The following PLEKHM1 variants were observed in gnomAD, a reference collection of about 807,000 sequenced individuals.
The protein encoded by PLEKHM1 is pleckstrin homology and RUN domain containing M1.
In PLEKHM1, 28 loss-of-function variants were observed where a neutral mutation model predicts 94.3. That is an observed-to-expected ratio of 0.30 (90% confidence interval 0.22 to 0.41). The LOEUF is 0.41. Among genes scored for constraint, PLEKHM1 ranks in the 10% least tolerant of loss-of-function variants. The pLI is 1.00. For missense variants in PLEKHM1, 907 were observed against 1,358.6 expected, an observed-to-expected ratio of 0.67 and a Z score of 5.22; for synonymous variants, 424 against 581.2, an observed-to-expected ratio of 0.73 and a Z score of 3.89.
chr17:45,485,598 T>C (rs1239182790), intron 1 of PLEKHM1, among the ~76,000 whole-genome samples: 2 of 152,156 alleles, frequency 1.3e-5, no homozygotes, highest in South Asian at 4.1e-4. Context: ...AGTAACAGTA[T>C]GCTAAGAAGA....
rs1347764003 is a variant in PLEKHM1 at position 45,444,354 on chromosome 17, A to G, written c.2837+1116T>C. On this transcript the variant is annotated intron_variant, in intron 9 of 11. Coordinates refer to ENST00000430334, the MANE Select transcript of PLEKHM1 (RefSeq NM_014798.3). This position sits in a 1 kb window ranked among gnomAD's most constrained non-coding sequence, Gnocchi z 5.0. ...CTGGGAAGACTGCAGCCTGGGCGTGACCTGAGGACTAGGAAGCGTTTATGA... is the reference window on the plus strand; with the variant it reads ...CTGGGAAGACTGCAGCCTGGGCGTGGCCTGAGGACTAGGAAGCGTTTATGA... Among the ~76,000 whole-genome samples, 1 of 152,156 alleles carries G rather than the reference A, an allele frequency of 6.6e-6. No individual in the cohort carries two copies. The highest frequency in any genetic ancestry group is 1.5e-5 in the Non-Finnish European group (1 of 68,018).
rs2051675042 is a variant in PLEKHM1 at position 45,475,175 on chromosome 17, T to C, written c.848A>G (p.His283Arg). ...GTCACAGGACATGGGCTCCTCGCAATGGTCTGGACTCTTGGAGCCATTCTC... is the reference window on the plus strand; with the variant it reads ...GTCACAGGACATGGGCTCCTCGCAACGGTCTGGACTCTTGGAGCCATTCTC... ...LQENGSKSPD[H>R]CEEPMSCDSD... The change falls in exon 4 of 12, where the codon CAT (histidine) becomes CGT (arginine). Residue 283 changes from histidine to arginine, a missense_variant. By Grantham distance (29) the His-to-Arg change is conservative. This residue lies in a region of PLEKHM1 where 477 missense variants were observed against 601.5 expected (regional missense o/e 0.79). Coordinates refer to ENST00000430334, the MANE Select transcript of PLEKHM1 (RefSeq NM_014798.3). The C allele has an allele frequency of 6.2e-7, 1 of 1,613,868 alleles. No homozygotes were observed. Among genetic ancestry groups the C allele is most frequent in the African/African-American group, 1.3e-5 (1 of 74,930 alleles).
chr17:45,470,744 C>T (rs1420524879), intron 4 of PLEKHM1, among the ~76,000 whole-genome samples: 1 of 151,128 alleles, frequency 6.6e-6, no homozygotes, highest in Non-Finnish European at 1.5e-5. Context: ...CTGCAAGCTC[C>T]GCCTCCCGGG....
intron 2 of PLEKHM1, among the ~76,000 whole-genome samples, chr17:45,482,004 T>C (rs537072248): frequency 3.3e-4 from 50 of 152,154 alleles, no homozygotes; most frequent in African/African-American, 1.2e-3. Flanking sequence ...GGGGCTCCAG[T>C]GAACTGCTCA....
intron 8 of PLEKHM1, among the ~76,000 whole-genome samples, chr17:45,447,436 G>A (rs920030681): frequency 1.3e-5 from 2 of 152,276 alleles, no homozygotes; most frequent in Non-Finnish European, 2.9e-5. Flanking sequence ...CCTTGGGTGA[G>A]GCTCCAGTGA....
intron 8 of PLEKHM1, among the ~76,000 whole-genome samples, chr17:45,446,949 G>A (rs2050624608): frequency 6.6e-6 from 1 of 152,166 alleles, no homozygotes; most frequent in Non-Finnish European, 1.5e-5. Context: ...GGGCCTTTTC[G>A]TTCGCTGCTG....
At chr17:45,489,454 C>A (rs1444767575) in intron 1 of PLEKHM1, among the ~76,000 whole-genome samples, 1 of 152,232 alleles carries the variant, frequency 6.6e-6, no homozygotes, top group Non-Finnish European at 1.5e-5. Flanking sequence ...GTGACAGCTT[C>A]CATCATTCTG....
rs1460279566 is a variant in PLEKHM1 at position 45,453,494 on chromosome 17, C to T, written c.2358G>A (p.Ala786=). 29 of 1,608,824 alleles carry T rather than the reference C, an allele frequency of 1.8e-5. No homozygotes were observed. The highest frequency in any genetic ancestry group is 1.3e-4 in the Admixed American group (8 of 59,400). Residue 786 remains alanine (A), a synonymous_variant, in exon 7 of 12, where the codon GCG becomes GCA. Transcript: ENST00000430334. The surrounding 1 kb of genome is among the most constrained non-coding windows in gnomAD (Gnocchi z 4.1). Reference sequence around the variant, plus strand: ...CATCCAGGCTCCCGCCCAGGGTCACCGCCTCCTCGGCTGTCTCCAAGTAGG... The same window carrying T: ...CATCCAGGCTCCCGCCCAGGGTCACTGCCTCCTCGGCTGTCTCCAAGTAGG... ...LASYLETAEE[A]VTLGGSLDEN... is the part of the protein sequence containing the mutation.
intron 4 of PLEKHM1, among the ~76,000 whole-genome samples, chr17:45,474,267 C>T (rs1162876833): frequency 6.6e-6 from 1 of 152,038 alleles, no homozygotes; most frequent in Non-Finnish European, 1.5e-5. Context: ...CCATGTTAGT[C>T]AGGATGGTCT....
At chr17:45,440,339 G>T in intron 9 of PLEKHM1, 113 bp from the exon 10 acceptor site, 1 of 1,042,800 alleles carries the variant, frequency 9.6e-7, no homozygotes, top group South Asian at 1.3e-5. Context: ...CCCCCGCCTG[G>T]GCGGGGCAGG....
At chr17:45,438,940 A>T (rs933178942) in intron 11 of PLEKHM1, among the ~76,000 whole-genome samples, 1 of 152,228 alleles carries the variant, frequency 6.6e-6, no homozygotes, top group Non-Finnish European at 1.5e-5. Context: ...AAAAGAACTA[A>T]TGTTCCCAGT....
Position 45,475,351 on chromosome 17 carries a change from G to A in PLEKHM1, c.672C>T (p.Ser224=), listed in dbSNP as rs12452076. 2.0e-4 allele frequency: 323 copies of A among 1,613,640 alleles called. No individual in the cohort carries two copies. The highest frequency in any genetic ancestry group is 2.7e-4 in the Non-Finnish European group (316 of 1,179,730). ...CGATGTCTTCAGAGCCTGAAGAATG[G>A]GAAATGGAATCCAGAGATTCCTTCC... The part of the protein sequence containing the change: ...LQRKESLDSI[S]HSSGSEDIEV... The change falls in exon 4 of 12, where the codon TCC becomes TCT. Residue 224 remains serine (S), a synonymous_variant. Coordinates refer to ENST00000430334, the MANE Select transcript of PLEKHM1 (RefSeq NM_014798.3).
Position 45,468,583 on chromosome 17 carries a change from C to T in PLEKHM1, c.934G>A (p.Glu312Lys). 6.2e-7 allele frequency: 1 copy of T among 1,614,178 alleles called. No individual in the cohort carries two copies. The highest frequency in any genetic ancestry group is 1.7e-5 in the Admixed American group (1 of 60,022). ...GAGTTTACCTGGGCTTTGCTGAATT[C>T]CAACAATACCCTAGAAGTTTTAAAC... ...SDRSLQEVLL[E>K]FSKAQVNSVP... Residue 312 changes from glutamate (E) to lysine (K), a missense_variant, in exon 5 of 12, where the codon GAA (glutamate) becomes AAA (lysine). Around this residue, in one of 3 missense-constraint regions of PLEKHM1, gnomAD observed 477 missense variants for 601.5 expected, o/e 0.79. Transcript: ENST00000430334.
chr17:45,463,314 C>T (rs544167583), intron 5 of PLEKHM1, among the ~76,000 whole-genome samples: 72 of 152,250 alleles, frequency 4.7e-4, no homozygotes, highest in African/African-American at 1.7e-3. Context: ...AGGCTGTGTG[C>T]CCCTGGCCCC....
rs772665321 is a variant in PLEKHM1 at position 45,440,230 on chromosome 17, C to T, written c.2838-4G>A. On this transcript the variant is annotated splice_region_variant and splice_polypyrimidine_tract_variant and intron_variant, in intron 9 of 11. Coordinates refer to ENST00000430334, the MANE Select transcript of PLEKHM1 (RefSeq NM_014798.3). ...GAGATAATTCCTGTGGTTGAGCCTT[C>T]AAACAAAACACAAGCGATTCTTTAG... 1.5e-5 allele frequency: 25 copies of T among 1,613,710 alleles called. No individual in the cohort carries two copies. Among genetic ancestry groups the T allele is most frequent in the Non-Finnish European group, 2.1e-5 (25 of 1,179,726 alleles).
At chr17:45,439,328 C>A in intron 11 of PLEKHM1, 149 bp downstream of exon 11, 1 of 888,582 alleles carries the variant, frequency 1.1e-6, no homozygotes, top group Non-Finnish European at 1.8e-6. Flanking sequence ...GCTGCCCCAA[C>A]AACTGCACCA....
chr17:45,446,044 T>G, intron 8 of PLEKHM1: 1 of 354,866 alleles, frequency 2.8e-6, no homozygotes, highest in Non-Finnish European at 5.3e-6. Context: ...AAACAGGCAC[T>G]CCCTTCTGTG....
intron 11 of PLEKHM1, among the ~76,000 whole-genome samples, chr17:45,438,548 T>A (rs530244097): frequency 1.3e-4 from 19 of 149,976 alleles, no homozygotes; most frequent in Admixed American, 5.3e-4. Flanking sequence ...AAAAAAAAAA[T>A]TTTTTTTACT....
Position 45,468,221 on chromosome 17 carries a change from T to C in PLEKHM1, c.1296A>G (p.Ser432=). The change falls in exon 5 of 12, where the codon TCA becomes TCG. Residue 432 remains serine (S), a synonymous_variant. Coordinates refer to ENST00000430334, the MANE Select transcript of PLEKHM1 (RefSeq NM_014798.3). ...DGAGLKLVVS[S]PTSPKNKSWI... ...TTGCACCACTCACCGGACTGGTGGG[T>C]GAGGAAACTACCAGCTTCAGACCAG... 4 of 1,611,318 alleles carry C rather than the reference T, an allele frequency of 2.5e-6. No homozygotes were observed. The highest frequency in any genetic ancestry group is 3.4e-6 in the Non-Finnish European group (4 of 1,179,262).
Sources: allele counts gnomAD v4.1 joint callset (sites outside exome capture counted in the v4.1 genomes callset), GRCh38; gene constraint gnomAD v4.1.1; regional missense constraint gnomAD v4.1.1; non-coding constraint Gnocchi (gnomAD v3.1); transcripts MANE v1.5; gene names NCBI Gene and HGNC (gene_info 2026-07-23, HGNC 2026-07-21).